The following KCNMA1 variants were observed in gnomAD, a reference collection of about 807,000 sequenced individuals.
The protein encoded by KCNMA1 is potassium calcium-activated channel subfamily M alpha 1, also known as Calcium-activated potassium channel subunit alpha-1.
Under a neutral mutation model 140.0 loss-of-function variants are expected in KCNMA1, and 29 were observed. The observed-to-expected ratio is 0.21, with a 90% confidence interval of 0.15 to 0.28. KCNMA1 has a LOEUF of 0.28. Ranked by LOEUF, KCNMA1 falls within the 10% of genes least tolerant of loss-of-function variation. The pLI, the probability that KCNMA1 is intolerant of heterozygous loss-of-function variation, is 1.00. For synonymous variants in KCNMA1, 612 were observed against 611.9 expected (o/e 1.00, Z 0.00); for missense variants, 880 against 1,602.2 (o/e 0.55, Z 7.70).
intron 16 of KCNMA1, chr10:77,019,495 A>G (rs1472041336): frequency 1.9e-4 from 45 of 232,310 alleles, no homozygotes; most frequent in Non-Finnish European, 2.6e-5. Flanking sequence ...AGCTATTGCT[A>G]CAACAATTTT....
At chr10:76,935,709 A>G (rs10762738) in intron 23 of KCNMA1, among the ~76,000 whole-genome samples, 57,119 of 152,116 alleles carry the variant, frequency 0.38, 12,357 homozygotes, top group Non-Finnish European at 0.49. Context: ...CTAAAACCAT[A>G]AGTTCAGTCC....
intron 2 of KCNMA1, among the ~76,000 whole-genome samples, chr10:77,320,299 G>A (rs655487): frequency 0.38 from 57,566 of 152,042 alleles, 11,036 homozygotes; most frequent in Admixed American, 0.45. Context: ...GGAGACACAG[G>A]AAATAGTAGC....
At chr10:77,116,612 C>T (rs1596304477) in intron 6 of KCNMA1, among the ~76,000 whole-genome samples, 1 of 152,190 alleles carries the variant, frequency 6.6e-6, no homozygotes, top group East Asian at 1.9e-4. Context: ...AACTGGACTG[C>T]ACCACACTAA....
chr10:77,141,768 A>G (rs564663038), intron 5 of KCNMA1, among the ~76,000 whole-genome samples: 50 of 152,356 alleles, frequency 3.3e-4, no homozygotes, highest in African/African-American at 1.2e-3. Flanking sequence ...TCCACATTCC[A>G]CAAGTTGTTA....
intron 2 of KCNMA1, among the ~76,000 whole-genome samples, chr10:77,401,595 C>T (rs1378511424): frequency 6.6e-6 from 1 of 152,250 alleles, no homozygotes; most frequent in Admixed American, 6.5e-5. Flanking sequence ...TGAAGGCTTT[C>T]TTCTCCTTTA....
chr10:77,343,475 C>A (rs540213844), intron 2 of KCNMA1, among the ~76,000 whole-genome samples: 36 of 152,194 alleles, frequency 2.4e-4, no homozygotes, highest in African/African-American at 8.2e-4. Flanking sequence ...CACAGCCCAG[C>A]CCTGATAAAG....
intron 2 of KCNMA1, among the ~76,000 whole-genome samples, chr10:77,309,043 C>T (rs556527511): frequency 2.6e-5 from 4 of 152,194 alleles, no homozygotes; most frequent in Non-Finnish European, 5.9e-5. Context: ...CCCAAAGGAG[C>T]CCGGCCATCT....
chr10:77,542,002 G>C (rs1376533258), intron 1 of KCNMA1, among the ~76,000 whole-genome samples: 1 of 152,176 alleles, frequency 6.6e-6, no homozygotes, highest in African/African-American at 2.4e-5. Context: ...GCAATGGTTT[G>C]AATATTTGTG....
chr10:77,560,843 T>C (rs1447346641), intron 1 of KCNMA1, among the ~76,000 whole-genome samples: 3 of 152,206 alleles, frequency 2.0e-5, no homozygotes, highest in Non-Finnish European at 2.9e-5. Flanking sequence ...GCAAACTGTG[T>C]GGCTGGGACT....
chr10:77,598,267 G>A (rs183352843), intron 1 of KCNMA1, among the ~76,000 whole-genome samples: 2 of 152,260 alleles, frequency 1.3e-5, no homozygotes, highest in Non-Finnish European at 2.9e-5. Flanking sequence ...CACTGCACCC[G>A]GCCCACTGTA....
intron 18 of KCNMA1, among the ~76,000 whole-genome samples, chr10:77,003,402 C>T (rs943498759): frequency 2.6e-5 from 4 of 152,152 alleles, no homozygotes; most frequent in African/African-American, 7.2e-5. Context: ...CCCAAACAAA[C>T]AGCAACGGCT....
At chr10:77,053,656 A>G (rs1038237358) in intron 14 of KCNMA1, among the ~76,000 whole-genome samples, 2 of 152,208 alleles carry the variant, frequency 1.3e-5, no homozygotes, top group African/African-American at 2.4e-5. Context: ...GGATGCCTTT[A>G]TGCCACCTTA....
At chr10:76,873,242 TTAACAACTGA>T (rs1187880701), downstream of KCNMA1, 1 of 152,220 alleles carries the variant, frequency 6.6e-6, no homozygotes, top group African/African-American at 2.4e-5. Context: ...CTTGAAATTA[TTAACAACTGA>T]TACTTTATTG....
At chr10:77,180,575 T>C (rs923855829) in intron 5 of KCNMA1, among the ~76,000 whole-genome samples, 2 of 152,216 alleles carry the variant, frequency 1.3e-5, no homozygotes, top group Non-Finnish European at 1.5e-5. Flanking sequence ...ATAGTACTTA[T>C]GCTTCCTAAC....
intron 27 of KCNMA1, 138 bp from the exon 28 acceptor site, chr10:76,887,653 C>A: frequency 3.2e-6 from 3 of 942,796 alleles, no homozygotes; most frequent in Non-Finnish European, 3.3e-6. Context: ...TGGTCTGAGG[C>A]CTTAAACATT....
In KCNMA1 at chr10:77,335,409, T is replaced by C. The variant is rs544293591; in HGVS notation, c.540+68453A>G. On this transcript the variant is annotated intron_variant, in intron 2 of 27. Coordinates refer to ENST00000286628, the MANE Select transcript of KCNMA1 (RefSeq NM_001161352.2). ...TTAAAAGAAAAGTGTTTTTGGACTT[T>C]AGGCAACCCTGGGGACTTAGAGTTG... Among the ~76,000 whole-genome samples the C allele has an allele frequency of 4.6e-5, 7 of 152,316 alleles. No homozygotes were observed. In the South Asian group the frequency reaches 1.5e-3, roughly 32 times the overall value.
At chr10:77,630,717 T>C (rs2093078992) in intron 1 of KCNMA1, among the ~76,000 whole-genome samples, 1 of 152,090 alleles carries the variant, frequency 6.6e-6, no homozygotes, top group Admixed American at 6.5e-5. Context: ...CAGTATAGCC[T>C]GTGTCTCGCC....
In KCNMA1 at chr10:77,523,010, C is replaced by T. The variant is rs978400462; in HGVS notation, c.378+114255G>A. ...GTGCCAATGTAAAGTGCCCCCTCCT[C>T]TATGTAGTCCTCCTGAATGACCCTC... On this transcript the variant is annotated intron_variant, in intron 1 of 27. Transcript: ENST00000286628. Among the ~76,000 whole-genome samples, 7 of 152,158 alleles carry T rather than the reference C, an allele frequency of 4.6e-5. No individual in the cohort carries two copies. In the East Asian group the frequency reaches 1.2e-3, roughly 25 times the overall value.
intron 1 of KCNMA1, among the ~76,000 whole-genome samples, chr10:77,556,302 C>G (rs1002657306): frequency 6.6e-6 from 1 of 151,838 alleles, no homozygotes; most frequent in Non-Finnish European, 1.5e-5. Context: ...TTTAGGAGTT[C>G]GAGACCAGCC....
Sources: allele counts gnomAD v4.1 joint callset (sites outside exome capture counted in the v4.1 genomes callset), GRCh38; gene constraint gnomAD v4.1.1; transcripts MANE v1.5; gene names NCBI Gene and HGNC (gene_info 2026-07-23, HGNC 2026-07-21).